The following IMMT variants were observed in gnomAD, a reference collection of about 807,000 sequenced individuals.
The protein encoded by IMMT is MICOS complex subunit MIC60.
A neutral mutation model predicts 92.7 loss-of-function variants in IMMT; 40 were observed. That is an observed-to-expected ratio of 0.43 (90% CI 0.34 to 0.56). The LOEUF is 0.56. IMMT is among the 20% of genes least tolerant of loss of function. The probability of loss-of-function intolerance (pLI) is 0.03; values close to 1 mark genes in which losing one functional copy is unlikely to be tolerated. For missense variants in IMMT, 831 were observed against 912.1 expected, an observed-to-expected ratio of 0.91 and a Z score of 1.14; for synonymous variants, 322 against 336.1, an observed-to-expected ratio of 0.96 and a Z score of 0.46.
chr2:86,157,433 T>C (rs1268563167), intron 10 of IMMT, among the ~76,000 whole-genome samples: 1 of 152,150 alleles, frequency 6.6e-6, no homozygotes, highest in Admixed American at 6.5e-5. Context: ...CCCTGACACC[T>C]TCAGCCCAGA....
intron 1 of IMMT, among the ~76,000 whole-genome samples, chr2:86,186,197 A>G (rs1672757165): frequency 6.6e-6 from 1 of 152,226 alleles, no homozygotes; most frequent in African/African-American, 2.4e-5. Flanking sequence ...TCTGATTCAG[A>G]TGACAAGATC....
chr2:86,161,941 G>A (rs2104956191), intron 8 of IMMT, 35 bp downstream of exon 8: 2 of 1,351,540 alleles, frequency 1.5e-6, no homozygotes, highest in Non-Finnish European at 2.1e-6. Flanking sequence ...CCACCAGGAG[G>A]CCCTAATTAC....
At position 86,195,427 on chromosome 2, in the gene IMMT, G is replaced by T. The variant is rs1447721275; in HGVS notation, c.-45C>A. 2 of 1,540,696 alleles carry T rather than the reference G, an allele frequency of 1.3e-6. No homozygotes were observed. The highest frequency in any genetic ancestry group is 2.4e-5 in the South Asian group (2 of 82,864). ...CTGCTGGTGGACTCGAGCTGCCGCG[G>T]CGGCGCGAGTTAAGTGGAGGCGTGC... On this transcript the variant is annotated 5_prime_UTR_variant, in exon 1 of 15. Coordinates refer to ENST00000410111, the MANE Select transcript of IMMT (RefSeq NM_006839.3).
At chr2:86,146,511 C>T (rs1418021676) in intron 13 of IMMT, among the ~76,000 whole-genome samples, 1 of 151,678 alleles carries the variant, frequency 6.6e-6, no homozygotes, top group Non-Finnish European at 1.5e-5. Context: ...GCTGGGATTA[C>T]AGGCATGCAT....
At chr2:86,184,686 A>G (rs1672639660) in intron 1 of IMMT, among the ~76,000 whole-genome samples, 1 of 151,634 alleles carries the variant, frequency 6.6e-6, no homozygotes, top group African/African-American at 2.4e-5. Flanking sequence ...AGAGACTGTG[A>G]GCAGAAGCCT....
chr2:86,164,183 G>C (rs1468883921), intron 7 of IMMT, among the ~76,000 whole-genome samples: 3 of 145,886 alleles, frequency 2.1e-5, no homozygotes, highest in African/African-American at 7.6e-5. Context: ...TCAGTCTCCC[G>C]AGTAGCTGGG....
At chr2:86,176,302 T>C in intron 3 of IMMT, among the ~76,000 whole-genome samples, 1 of 152,174 alleles carries the variant, frequency 6.6e-6, no homozygotes, top group East Asian at 1.9e-4. Context: ...CATTAATAGG[T>C]GTTATCATGA....
intron 10 of IMMT, among the ~76,000 whole-genome samples, chr2:86,153,985 C>A (rs776743230): frequency 2.0e-5 from 3 of 152,108 alleles, no homozygotes; most frequent in Non-Finnish European, 4.4e-5. Context: ...ACCTCAGCCT[C>A]CCAAGTAACT....
intron 13 of IMMT, among the ~76,000 whole-genome samples, chr2:86,146,666 G>A (rs1675040888): frequency 6.6e-6 from 1 of 151,978 alleles, no homozygotes; most frequent in African/African-American, 2.4e-5. Flanking sequence ...CCCGGCCGAT[G>A]TATATAATTC....
intron 12 of IMMT, among the ~76,000 whole-genome samples, chr2:86,149,206 G>C (rs2104615416): frequency 6.6e-6 from 1 of 152,282 alleles, no homozygotes; most frequent in East Asian, 1.9e-4. Flanking sequence ...CTAACAAAGT[G>C]ACATCTAGGC....
intron 1 of IMMT, among the ~76,000 whole-genome samples, chr2:86,188,773 C>T (rs1672949419): frequency 1.3e-5 from 2 of 152,014 alleles, no homozygotes; most frequent in African/African-American, 4.8e-5. Flanking sequence ...TACTGAGTTG[C>T]AGGAGTTCCT....
At chr2:86,164,064 T>TTC (rs1350288308) in intron 7 of IMMT, among the ~76,000 whole-genome samples, 1 of 131,372 alleles carries the variant, frequency 7.6e-6, no homozygotes, top group African/African-American at 2.7e-5. Context: ...TTTTTTTTTT[T>TTC]TTTTTTTTTT....
chr2:86,146,214 A>G lies in IMMT; in HGVS notation c.1534-17T>C, dbSNP rs1573870290. 1.9e-6 allele frequency: 3 copies of G among 1,594,054 alleles called. No individual in the cohort carries two copies. The highest frequency in any genetic ancestry group is 4.5e-5 in the East Asian group (2 of 44,462). ...AGACAGGTTCTGAAATAAAACAGAAATAGTTCCAGAAAAAAGTGATACTCA... is the reference window on the plus strand; with the variant it reads ...AGACAGGTTCTGAAATAAAACAGAAGTAGTTCCAGAAAAAAGTGATACTCA... On this transcript the variant is annotated splice_polypyrimidine_tract_variant and intron_variant, in intron 13 of 14. Transcript: ENST00000410111.
chr2:86,162,065 C>T lies in IMMT; in HGVS notation c.807G>A (p.Lys269=). ...CCACTGTGCGCCACTGAGCAGATTT[C>T]TTCTCGCCTGCAATCTAAACAAAAA... The part of the protein sequence containing the change: ...AMDNSEIAGE[K]KSAQWRTVEG... Residue 269 remains lysine, a synonymous_variant, in exon 8 of 15, where the codon AAG becomes AAA. Transcript: ENST00000410111. 1 of 1,592,162 alleles carries T rather than the reference C, an allele frequency of 6.3e-7. No homozygotes were observed. The highest frequency in any genetic ancestry group is 8.5e-7 in the Non-Finnish European group (1 of 1,171,486).
intron 4 of IMMT, among the ~76,000 whole-genome samples, chr2:86,172,593 A>G (rs1462755407): frequency 6.6e-6 from 1 of 152,220 alleles, no homozygotes; most frequent in Non-Finnish European, 1.5e-5. Flanking sequence ...TTGGTTTCCC[A>G]AAGTGCGGGA....
chr2:86,172,621 T>G (rs946621535), intron 4 of IMMT, among the ~76,000 whole-genome samples: 4 of 152,224 alleles, frequency 2.6e-5, no homozygotes, highest in Non-Finnish European at 5.9e-5. Context: ...CATGAGCCCA[T>G]GCACCTGGCC....
intron 3 of IMMT, among the ~76,000 whole-genome samples, chr2:86,176,131 A>G (rs774507805): frequency 2.6e-5 from 4 of 152,212 alleles, no homozygotes; most frequent in Non-Finnish European, 5.9e-5. Flanking sequence ...AAAGCTAGCA[A>G]AGACCACAAA....
At chr2:86,149,873 C>G (rs1430373736) in intron 12 of IMMT, among the ~76,000 whole-genome samples, 2 of 124,162 alleles carry the variant, frequency 1.6e-5, no homozygotes, top group Non-Finnish European at 3.3e-5. Flanking sequence ...AAGACAGACT[C>G]TGTCTCAAAA....
chr2:86,148,543 C>G (rs553217035), intron 12 of IMMT, among the ~76,000 whole-genome samples: 1 of 152,230 alleles, frequency 6.6e-6, no homozygotes, highest in South Asian at 2.1e-4. Context: ...ACCGAGGAGG[C>G]AGAGCTTGCC....
Sources: gnomAD v4.1 joint callset for allele counts (sites outside exome capture counted in the v4.1 genomes callset) on GRCh38, gnomAD v4.1.1 for gene constraint, MANE v1.5 for transcripts, NCBI Gene and HGNC (gene_info 2026-07-23, HGNC 2026-07-21) for gene names.